The following PRKAG2 variants were observed in gnomAD, a reference collection of about 807,000 sequenced individuals.
PRKAG2 encodes the protein 5'-AMP-activated protein kinase subunit gamma-2.
A neutral mutation model predicts 69.6 loss-of-function variants in PRKAG2; 26 were observed. The observed-to-expected ratio is 0.37, with a 90% confidence interval of 0.27 to 0.52. The LOEUF (loss-of-function observed/expected upper bound fraction) is 0.52, where lower values mean the gene tolerates loss of function less well. Among genes scored for constraint, PRKAG2 ranks in the 20% least tolerant of loss-of-function variants. PRKAG2 has a pLI of 0.90. For synonymous variants in PRKAG2, 293 were observed against 285.0 expected, an observed-to-expected ratio of 1.03 and a Z score of -0.28; for missense variants, 557 against 740.0, an observed-to-expected ratio of 0.75 and a Z score of 2.87.
At chr7:151,564,023 C>T (rs1442544255) in intron 14 of PRKAG2, 55 bp downstream of exon 14, 2 of 1,611,524 alleles carry the variant, frequency 1.2e-6, no homozygotes, top group African/African-American at 2.7e-5. Flanking sequence ...TCATTCACTA[C>T]TGGGGACTTG....
At chr7:151,816,288 C>T (rs1305565956) in intron 1 of PRKAG2, among the ~76,000 whole-genome samples, 1 of 152,162 alleles carries the variant, frequency 6.6e-6, no homozygotes, top group Non-Finnish European at 1.5e-5. Context: ...CTGAGCTCTG[C>T]ACTTGCCTAC....
At chr7:151,617,607 T>C (rs540807028) in intron 5 of PRKAG2, among the ~76,000 whole-genome samples, 1 of 152,358 alleles carries the variant, frequency 6.6e-6, no homozygotes, top group East Asian at 1.9e-4. Flanking sequence ...TTGTTGTTAA[T>C]AGCATTGTTG....
At chr7:151,754,872 G>T (rs1413947552) in intron 3 of PRKAG2, among the ~76,000 whole-genome samples, 1 of 151,990 alleles carries the variant, frequency 6.6e-6, no homozygotes, top group Non-Finnish European at 1.5e-5. Flanking sequence ...AGGCCACTGT[G>T]GTATTGGAAA....
chr7:151,730,150 T>C (rs917332607), intron 3 of PRKAG2, among the ~76,000 whole-genome samples: 3 of 152,176 alleles, frequency 2.0e-5, no homozygotes, highest in Non-Finnish European at 2.9e-5. Context: ...AAATTTGTAT[T>C]ATGTACATCT....
chr7:151,557,066 A>C lies in PRKAG2; in HGVS notation c.*135T>G. The C allele has an allele frequency of 7.1e-7, 1 of 1,415,890 alleles. No homozygotes were observed. The highest frequency in any genetic ancestry group is 9.9e-7 in the Non-Finnish European group (1 of 1,010,194). The allele number at this position is 1,415,890 out of a possible 1,614,324, so 87.7% of individuals were successfully genotyped here. On this transcript the variant is annotated 3_prime_UTR_variant, in exon 16 of 16. Transcript: ENST00000287878. Reference sequence around the variant, plus strand: ...TCTTTCTTTTTTAAGCTTAATTTCAACATCACTGGAAGAAATACCTATTGT... The same window carrying C: ...TCTTTCTTTTTTAAGCTTAATTTCACCATCACTGGAAGAAATACCTATTGT...
At chr7:151,560,107 T>C (rs1804574578) in intron 15 of PRKAG2, 1 of 984,746 alleles carries the variant, frequency 1.0e-6, no homozygotes, top group African/African-American at 1.7e-5. Context: ...TATTCTGTTT[T>C]ATCTACTCAA....
chr7:151,672,540 C>A lies in PRKAG2; in HGVS notation c.684+2880G>T, dbSNP rs187557285. Among the ~76,000 whole-genome samples, 173 of 152,132 alleles carry A rather than the reference C, an allele frequency of 1.1e-3. 2 individuals are homozygous for A. Among genetic ancestry groups the A allele is most frequent in the Admixed American group, 2.8e-3 (42 of 15,256 alleles). Reference sequence around the variant, plus strand: ...TCCGTCAAACACTAACTCATCTTTTCCCCTCCCCCCAGCCCCCGGTACCCA... The same window carrying A: ...TCCGTCAAACACTAACTCATCTTTTACCCTCCCCCCAGCCCCCGGTACCCA... On this transcript the variant is annotated intron_variant, in intron 4 of 15. Coordinates refer to ENST00000287878, the MANE Select transcript of PRKAG2 (RefSeq NM_016203.4).
At chr7:151,832,554 C>T (rs2079059611) in intron 1 of PRKAG2, among the ~76,000 whole-genome samples, 1 of 151,366 alleles carries the variant, frequency 6.6e-6, no homozygotes, top group African/African-American at 2.4e-5. Context: ...GGGTTCTCCC[C>T]CCTTCCCCTG....
rs566497353 is a variant in PRKAG2 at position 151,688,778 on chromosome 7, A to G, written c.467-13141T>C. Among the ~76,000 whole-genome samples the G allele has an allele frequency of 7.2e-5, 11 of 152,300 alleles. No individual in the cohort carries two copies. The East Asian group carries it at 1.9e-3, about 27-fold the overall frequency. On this transcript the variant is annotated intron_variant, in intron 3 of 15. Coordinates refer to ENST00000287878, the MANE Select transcript of PRKAG2 (RefSeq NM_016203.4). ...CAGGACACTTGGATCATCTGACGAA[A>G]CTGATGAATGAAGCATGGGTACACA... is the stretch of plus-strand genomic sequence containing the variant.
chr7:151,557,117 A>G lies in PRKAG2; in HGVS notation c.*84T>C. 6.3e-7 allele frequency: 1 copy of G among 1,594,052 alleles called. No homozygotes were observed. The highest frequency in any genetic ancestry group is 1.1e-5 in the South Asian group (1 of 90,644). On this transcript the variant is annotated 3_prime_UTR_variant, in exon 16 of 16. Transcript: ENST00000287878. ...TAAACCCTGATATACATTCTTAACCACTTGCAGCCAGTGTTCATGAGGCAA... is the reference window on the plus strand; with the variant it reads ...TAAACCCTGATATACATTCTTAACCGCTTGCAGCCAGTGTTCATGAGGCAA...
chr7:151,749,470 T>C (rs1322619431), intron 3 of PRKAG2, among the ~76,000 whole-genome samples: 2 of 152,156 alleles, frequency 1.3e-5, no homozygotes, highest in African/African-American at 4.8e-5. Context: ...TCATCAAAAC[T>C]CTGCTGTTAT....
At chr7:151,848,271 C>G (rs1207497875) in intron 1 of PRKAG2, among the ~76,000 whole-genome samples, 3 of 152,110 alleles carry the variant, frequency 2.0e-5, no homozygotes, top group African/African-American at 7.2e-5. Context: ...GGTTACTACT[C>G]TTAGAAAAGA....
intron 3 of PRKAG2, among the ~76,000 whole-genome samples, chr7:151,697,484 C>T (rs1446105709): frequency 2.0e-5 from 3 of 152,070 alleles, no homozygotes; most frequent in Non-Finnish European, 2.9e-5. Flanking sequence ...GCAGAAAGGA[C>T]CCGCCGCTGG....
intron 3 of PRKAG2, among the ~76,000 whole-genome samples, chr7:151,701,295 A>T (rs535787061): frequency 4.6e-5 from 7 of 152,326 alleles, no homozygotes; most frequent in African/African-American, 1.7e-4. Flanking sequence ...ATAAAATTCA[A>T]GTTCAGCTCC....
intron 1 of PRKAG2, among the ~76,000 whole-genome samples, chr7:151,854,487 C>T (rs2151898428): frequency 6.6e-6 from 1 of 152,358 alleles, no homozygotes; most frequent in Admixed American, 6.5e-5. Flanking sequence ...CCACACATCA[C>T]AGGCACAGGG....
At chr7:151,800,769 ACAT>A (rs2077797372) in intron 1 of PRKAG2, among the ~76,000 whole-genome samples, 1 of 152,184 alleles carries the variant, frequency 6.6e-6, no homozygotes, top group Non-Finnish European at 1.5e-5. Flanking sequence ...CACACACACG[ACAT>A]CACACATTTG....
chr7:151,779,470 G>A (rs116741651), intron 3 of PRKAG2, among the ~76,000 whole-genome samples: 1,934 of 152,314 alleles, frequency 0.013, 46 homozygotes, highest in African/African-American at 0.041. Flanking sequence ...AGAGGGAGGC[G>A]GAGGGTGATG....
intron 4 of PRKAG2, among the ~76,000 whole-genome samples, chr7:151,661,423 C>A (rs1037569188): frequency 1.3e-5 from 2 of 152,104 alleles, no homozygotes; most frequent in African/African-American, 4.8e-5. Flanking sequence ...TATGATCCAA[C>A]CCCCCACCTT....
intron 3 of PRKAG2, among the ~76,000 whole-genome samples, chr7:151,743,941 G>GC (rs531665446): frequency 6.6e-6 from 1 of 152,148 alleles, no homozygotes; most frequent in East Asian, 1.9e-4. Context: ...AGGTGTGCCA[G>GC]CCCCCCCACA....
Sources: allele counts gnomAD v4.1 joint callset (sites outside exome capture counted in the v4.1 genomes callset), GRCh38; gene constraint gnomAD v4.1.1; transcripts MANE v1.5; gene names NCBI Gene and HGNC (gene_info 2026-07-23, HGNC 2026-07-21).